Variants in PTPRA observed in about 807,000 individuals in gnomAD.
The protein encoded by PTPRA is receptor-type tyrosine-protein phosphatase alpha.
PTPRA carries 25 observed loss-of-function variants against 104.8 expected under a neutral mutation model. The ratio of observed to expected loss-of-function variants is 0.24; its 90% confidence interval spans 0.17 to 0.33. The LOEUF (loss-of-function observed/expected upper bound fraction) is 0.33, where lower values mean the gene tolerates loss of function less well. Among genes scored for constraint, PTPRA ranks in the 10% least tolerant of loss-of-function variants. PTPRA has a pLI of 1.00. For synonymous variants in PTPRA, 323 were observed against 368.9 expected, an observed-to-expected ratio of 0.88 and a Z score of 1.43; for missense variants, 765 against 1,015.3, an observed-to-expected ratio of 0.75 and a Z score of 3.35.
At chr20:2,938,238 G>T (rs2060779687) in intron 2 of PTPRA, among the ~76,000 whole-genome samples, 1 of 152,096 alleles carries the variant, frequency 6.6e-6, no homozygotes, top group African/African-American at 2.4e-5. Context: ...AGGCTGGAGG[G>T]CAGTGGCTCG....
intron 20 of PTPRA, among the ~76,000 whole-genome samples, chr20:3,029,540 CT>C (rs71195813): frequency 0.38 from 29,691 of 77,860 alleles, 5,100 homozygotes; most frequent in Middle Eastern, 0.53. Flanking sequence ...TCTTCATCAT[CT>C]TTTTTTTTTT....
At chr20:2,993,973 T>A (rs949210655) in intron 9 of PTPRA, among the ~76,000 whole-genome samples, 18 of 152,082 alleles carry the variant, frequency 1.2e-4, no homozygotes, top group African/African-American at 4.1e-4. Flanking sequence ...TTAGATAGAT[T>A]AATAGGTCCT....
chr20:3,029,147 G>GTTTC (rs1394716820), intron 20 of PTPRA, among the ~76,000 whole-genome samples: 1 of 135,028 alleles, frequency 7.4e-6, no homozygotes, highest in African/African-American at 2.8e-5. Context: ...TTGTTTGTTT[G>GTTTC]TTTGTTTGTT....
chr20:2,891,294 T>A (rs1265891257), intron 1 of PTPRA, among the ~76,000 whole-genome samples: 2 of 152,202 alleles, frequency 1.3e-5, no homozygotes, highest in African/African-American at 4.8e-5. Flanking sequence ...CCAAAAGTGA[T>A]CTCTTTAACT....
At chr20:2,865,614 T>G in the PTPRA span, 1 of 896,866 alleles carries the variant, frequency 1.1e-6, no homozygotes, top group African/African-American at 1.7e-5. The surrounding 1 kb of genome is among the most constrained non-coding windows in gnomAD (Gnocchi z 5.2). Context: ...CCCGCATAGT[T>G]AGCGAGTGCT....
chr20:2,947,722 A>AC (rs542856876), intron 2 of PTPRA, among the ~76,000 whole-genome samples: 23 of 151,596 alleles, frequency 1.5e-4, no homozygotes, highest in Non-Finnish European at 3.4e-4. Flanking sequence ...TACATGAACA[A>AC]CCCCCCTGGA....
intron 1 of PTPRA, among the ~76,000 whole-genome samples, chr20:2,886,568 G>A (rs1397660106): frequency 6.6e-6 from 1 of 152,008 alleles, no homozygotes; most frequent in Non-Finnish European, 1.5e-5. Context: ...AATGTGGCCA[G>A]GCACGGTGAC....
At chr20:2,882,131 A>G (rs1053335406) in intron 1 of PTPRA, among the ~76,000 whole-genome samples, 1 of 152,264 alleles carries the variant, frequency 6.6e-6, no homozygotes, top group Non-Finnish European at 1.5e-5. Context: ...GGAAATCAAA[A>G]TACTGTTGGA....
At chr20:2,908,742 A>T (rs1021947573) in intron 1 of PTPRA, among the ~76,000 whole-genome samples, 11 of 152,158 alleles carry the variant, frequency 7.2e-5, no homozygotes, top group African/African-American at 2.7e-4. Context: ...TTAAAAAAAT[A>T]CAAAATTAAA....
intron 1 of PTPRA, among the ~76,000 whole-genome samples, chr20:2,922,301 A>G (rs2060124484): frequency 6.6e-6 from 1 of 152,154 alleles, no homozygotes; most frequent in Non-Finnish European, 1.5e-5. Flanking sequence ...TCCACTCTCC[A>G]AAACAATCCA....
chr20:2,904,295 A>G (rs190955098), intron 1 of PTPRA, among the ~76,000 whole-genome samples: 39 of 152,242 alleles, frequency 2.6e-4, no homozygotes, highest in Non-Finnish European at 4.7e-4. Flanking sequence ...ACAAATAGAG[A>G]AGAGAGAGTG....
At position 2,988,369 on chromosome 20, in the gene PTPRA, C is replaced by A. The variant is rs61742610; in HGVS notation, c.633C>A (p.Ser211=). Residue 211 remains serine (S), a synonymous_variant, in exon 9 of 24, where the codon TCC becomes TCA. Coordinates refer to ENST00000399903, the MANE Select transcript of PTPRA (RefSeq NM_001385305.1). ...AGAGTGTGCCACTTCTGGCCAGATC[C>A]CCAAGCACCAACAGGAAATACCCAC... ...EPQSVPLLAR[S]PSTNRKYPPL... 6.2e-7 allele frequency: 1 copy of A among 1,609,794 alleles called. No individual in the cohort carries two copies. Among genetic ancestry groups the A allele is most frequent in the African/African-American group, 1.3e-5 (1 of 74,438 alleles).
At chr20:2,921,929 T>G (rs576963659) in intron 1 of PTPRA, among the ~76,000 whole-genome samples, 1 of 152,284 alleles carries the variant, frequency 6.6e-6, no homozygotes, top group African/African-American at 2.4e-5. Context: ...AGCCTTGGCA[T>G]TGTTGACATT....
intron 1 of PTPRA, among the ~76,000 whole-genome samples, chr20:2,876,141 A>G (rs1023801338): frequency 1.3e-5 from 2 of 152,236 alleles, no homozygotes; most frequent in African/African-American, 4.8e-5. Context: ...CCCCTGCAAT[A>G]TAGGAGGCAC....
chr20:2,978,631 A>G (rs2062543620), intron 6 of PTPRA, among the ~76,000 whole-genome samples: 1 of 152,104 alleles, frequency 6.6e-6, no homozygotes, highest in African/African-American at 2.4e-5. Context: ...CCGGGACACC[A>G]TTTTAGTGGT....
chr20:2,963,750 G>T lies in PTPRA; in HGVS notation c.-6-522G>T, dbSNP rs935033935. On this transcript the variant is annotated intron_variant, in intron 3 of 23. Transcript: ENST00000399903. ...GGGACATTTTGGATTTCAAAATTTG[G>T]ATTAGGGACTAGGTGTGGGAGCTCA... 2.0e-5 allele frequency among the ~76,000 whole-genome samples: 3 copies of T among 152,182 alleles called. No homozygotes were observed. In the East Asian group the frequency reaches 5.8e-4, roughly 29 times the overall value.
chr20:3,029,540 C>CTTTTGTTTTTTT (rs2065322286), intron 20 of PTPRA, among the ~76,000 whole-genome samples: 1 of 78,084 alleles, frequency 1.3e-5, no homozygotes, highest in Non-Finnish European at 2.3e-5. Context: ...TCTTCATCAT[C>CTTTTGTTTTTTT]TTTTTTTTTT....
At chr20:2,983,395 T>G in intron 6 of PTPRA, among the ~76,000 whole-genome samples, 1 of 152,092 alleles carries the variant, frequency 6.6e-6, no homozygotes, top group Non-Finnish European at 1.5e-5. Context: ...GATTTCATTC[T>G]GAGGCATGAG....
At chr20:2,882,493 A>C (rs772676667) in intron 1 of PTPRA, among the ~76,000 whole-genome samples, 6 of 151,834 alleles carry the variant, frequency 4.0e-5, no homozygotes, top group Non-Finnish European at 5.9e-5. Flanking sequence ...AGGTCTCACT[A>C]TGTTTCCCAG....
Sources: gnomAD v4.1 joint callset for allele counts (sites outside exome capture counted in the v4.1 genomes callset) on GRCh38, gnomAD v4.1.1 for gene constraint, Gnocchi (gnomAD v3.1) non-coding constraint, MANE v1.5 for transcripts, NCBI Gene and HGNC (gene_info 2026-07-23, HGNC 2026-07-21) for gene names.